The following FARP1 variants were observed in gnomAD, a reference collection of about 807,000 sequenced individuals.
The protein encoded by FARP1 is FERM, ARHGEF and pleckstrin domain-containing protein 1.
A neutral mutation model predicts 128.8 loss-of-function variants in FARP1; 52 were observed. The ratio of observed to expected loss-of-function variants is 0.40; its 90% CI spans 0.32 to 0.51. The LOEUF is 0.51. Ranked by LOEUF, FARP1 falls within the 20% of genes least tolerant of loss-of-function variation. FARP1 has a pLI of 0.45. For synonymous variants in FARP1, 580 were observed against 551.8 expected (o/e 1.05, Z -0.72); for missense variants, 1,333 against 1,367.9 (o/e 0.97, Z 0.40).
intron 24 of FARP1, chr13:98,445,418 C>G (rs548712696): frequency 6.6e-6 from 1 of 152,198 alleles, no homozygotes; most frequent in East Asian, 1.9e-4. Flanking sequence ...GTCCCTGCCC[C>G]CTAGCTGGGC....
rs749879415 is a variant in FARP1 at position 98,176,517 on chromosome 13, G to A, written c.-24+33025G>A. ...CCTCGCTTCCCACTTCATGGTTTTC[G>A]TCCTCGCAGATACAGTAGCGACCCT... On this transcript the variant is annotated intron_variant, in intron 1 of 26. Coordinates refer to ENST00000319562, the MANE Select transcript of FARP1 (RefSeq NM_005766.4). The surrounding 1 kb of genome is among the most constrained non-coding windows in gnomAD (Gnocchi z 6.2). The A allele has an allele frequency of 4.5e-5, 72 of 1,614,016 alleles. No individual in the cohort carries two copies. The highest frequency in any genetic ancestry group is 6.0e-5 in the Non-Finnish European group (71 of 1,180,034).
intron 1 of FARP1, among the ~76,000 whole-genome samples, chr13:98,150,589 A>G (rs1283711437): frequency 6.6e-6 from 1 of 152,216 alleles, no homozygotes; most frequent in Admixed American, 6.5e-5. Flanking sequence ...CTAGTTATTG[A>G]ACTTATTTAA....
chr13:98,292,278 A>AGTGTTAATTTGCTTCCC (rs1289047943), intron 2 of FARP1, among the ~76,000 whole-genome samples: 2 of 152,338 alleles, frequency 1.3e-5, no homozygotes, highest in East Asian at 3.9e-4. Context: ...AGAAATCTGA[A>AGTGTTAATTTGCTTCCC]GTGTTAATTT....
At chr13:98,147,055 T>C (rs1307189693) in intron 1 of FARP1, among the ~76,000 whole-genome samples, 1 of 152,230 alleles carries the variant, frequency 6.6e-6, no homozygotes, top group Non-Finnish European at 1.5e-5. Flanking sequence ...TCTCCAGTCC[T>C]GTTCTGCCAA....
chr13:98,206,221 C>T (rs1157537016), intron 1 of FARP1, among the ~76,000 whole-genome samples: 1 of 148,160 alleles, frequency 6.7e-6, no homozygotes, highest in Non-Finnish European at 1.5e-5. Flanking sequence ...GTGTGTGATC[C>T]TTTCAACCTT....
At chr13:98,170,575 C>T (rs1467936796) in intron 1 of FARP1, among the ~76,000 whole-genome samples, 1 of 151,870 alleles carries the variant, frequency 6.6e-6, no homozygotes, top group Admixed American at 6.6e-5. Context: ...CCAGGATGGT[C>T]TCTATCTCCT....
At chr13:98,416,478 T>A (rs924813432) in intron 16 of FARP1, among the ~76,000 whole-genome samples, 3 of 152,230 alleles carry the variant, frequency 2.0e-5, no homozygotes, top group Admixed American at 2.0e-4. Flanking sequence ...AAATGTCACC[T>A]TCTCCTGAGT....
At chr13:98,167,128 C>G (rs1239803249) in intron 1 of FARP1, among the ~76,000 whole-genome samples, 6 of 152,148 alleles carry the variant, frequency 3.9e-5, no homozygotes, top group Non-Finnish European at 8.8e-5. Context: ...ATTTTCTTGA[C>G]CATCCTTCTA....
At chr13:98,148,887 T>A (rs895438776) in intron 1 of FARP1, among the ~76,000 whole-genome samples, 9 of 151,842 alleles carry the variant, frequency 5.9e-5, no homozygotes, top group Admixed American at 5.3e-4. Flanking sequence ...TCTTCTCTCT[T>A]TTACTTTTTT....
At chr13:98,208,300 C>T (rs1880419576) in intron 1 of FARP1, among the ~76,000 whole-genome samples, 1 of 142,246 alleles carries the variant, frequency 7.0e-6, no homozygotes, top group Non-Finnish European at 1.5e-5. Flanking sequence ...GGTGAAACCC[C>T]ATCTCTACTG....
At position 98,450,673 on chromosome 13, in the gene FARP1, A is replaced by C; in HGVS notation, c.*2356A>C. 6.6e-6 allele frequency: 1 copy of C among 152,290 alleles called. No individual in the cohort carries two copies. Among genetic ancestry groups the C allele is most frequent in the East Asian group, 1.9e-4 (1 of 5,190 alleles). The allele number at this position is 152,290 out of a possible 1,614,324, so 9.4% of individuals were successfully genotyped here. A position where few individuals can be genotyped will look rare whatever the true frequency, so the allele number is the denominator to read the frequency against. On this transcript the variant is annotated 3_prime_UTR_variant, in exon 27 of 27. Transcript: ENST00000319562. ...GAGCCAGGAGCAGCTCAGGGCTGGCACTGAGAGGCTACTGGTGACAGTAAA... is the reference window on the plus strand; with the variant it reads ...GAGCCAGGAGCAGCTCAGGGCTGGCCCTGAGAGGCTACTGGTGACAGTAAA...
At chr13:98,266,747 C>T (rs187907609) in intron 2 of FARP1, among the ~76,000 whole-genome samples, 6 of 152,224 alleles carry the variant, frequency 3.9e-5, no homozygotes, top group African/African-American at 4.8e-5. Context: ...CGTGGTGGCT[C>T]GCACCTATAA....
intron 1 of FARP1, among the ~76,000 whole-genome samples, chr13:98,204,763 T>C (rs1350475311): frequency 6.6e-6 from 1 of 152,132 alleles, no homozygotes; most frequent in Admixed American, 6.6e-5. Flanking sequence ...AGTGCAAGAC[T>C]AGCCTGGGCA....
chr13:98,274,297 C>A (rs1305539782), intron 2 of FARP1, among the ~76,000 whole-genome samples: 1 of 152,124 alleles, frequency 6.6e-6, no homozygotes, highest in Non-Finnish European at 1.5e-5. Flanking sequence ...CAGGGCCATG[C>A]TTGGTTTAGA....
At chr13:98,383,281 G>A (rs753970525) in intron 6 of FARP1, among the ~76,000 whole-genome samples, 2 of 152,218 alleles carry the variant, frequency 1.3e-5, no homozygotes, top group African/African-American at 4.8e-5. Flanking sequence ...CCCCATTTCT[G>A]TGCCATTTTC....
intron 1 of FARP1, among the ~76,000 whole-genome samples, chr13:98,180,924 C>A (rs1335894521): frequency 6.6e-6 from 1 of 152,070 alleles, no homozygotes; most frequent in Non-Finnish European, 1.5e-5. Context: ...GTCTATGATG[C>A]CTTATTGTCC....
In FARP1 at chr13:98,297,457, C is replaced by T. The variant is rs9582209; in HGVS notation, c.172-46305C>T. Among the ~76,000 whole-genome samples the T allele has an allele frequency of 2.3e-3, 344 of 152,320 alleles. 4 individuals are homozygous for T. Among genetic ancestry groups the T allele is most frequent in the African/African-American group, 8.0e-3 (331 of 41,554 alleles). On this transcript the variant is annotated intron_variant, in intron 2 of 26. Coordinates refer to ENST00000319562, the MANE Select transcript of FARP1 (RefSeq NM_005766.4). ...GGATTCAAGATTGGCTTTAAAACTT[C>T]CCAGGCTTTGTTCATGCTATTTTGT... is the stretch of plus-strand genomic sequence containing the variant.
At chr13:98,187,914 C>T (rs1878982259) in intron 1 of FARP1, among the ~76,000 whole-genome samples, 1 of 152,154 alleles carries the variant, frequency 6.6e-6, no homozygotes, top group Non-Finnish European at 1.5e-5. Flanking sequence ...AAATGTTGAA[C>T]CCTCTTTGGG....
chr13:98,393,686 C>A lies in FARP1; in HGVS notation c.1132C>A (p.Pro378Thr). 6.2e-7 allele frequency: 1 copy of A among 1,614,054 alleles called. No individual in the cohort carries two copies. The highest frequency in any genetic ancestry group is 2.2e-5 in the East Asian group (1 of 44,882). Residue 378 changes from proline to threonine, a missense_variant, in exon 12 of 27, where the codon CCT becomes ACT. Pro to Thr is a conservative substitution (Grantham distance 38). Around this residue, in one of 2 missense-constraint regions of FARP1, gnomAD observed 1,009 missense variants for 969.8 expected, o/e 1.04. Transcript: ENST00000319562. Reference protein sequence around the residue: ...IHSIRSLASQPTELNSEVLEQ... With the variant: ...IHSIRSLASQTTELNSEVLEQ... Reference sequence around the variant, plus strand: ...TTCTATCCGGAGCCTTGCTTCACAGCCTACAGAACTGAATTCGGAAGTGCT... The same window carrying A: ...TTCTATCCGGAGCCTTGCTTCACAGACTACAGAACTGAATTCGGAAGTGCT...
Sources: allele counts gnomAD v4.1 joint callset (sites outside exome capture counted in the v4.1 genomes callset), GRCh38; gene constraint gnomAD v4.1.1; regional missense constraint gnomAD v4.1.1; non-coding constraint Gnocchi (gnomAD v3.1); transcripts MANE v1.5; gene names NCBI Gene and HGNC (gene_info 2026-07-23, HGNC 2026-07-21).